Variants in AHDC1 observed in about 807,000 individuals in gnomAD.
The protein encoded by AHDC1 is AT-hook DNA binding motif containing 1, also known as transcription factor Gibbin.
AHDC1 carries 7 observed loss-of-function variants against 87.9 expected under a neutral mutation model. That is an observed-to-expected ratio of 0.08 (90% CI 0.05 to 0.15). AHDC1 has a LOEUF of 0.15. AHDC1 is among the 10% of genes least tolerant of loss of function. The pLI, the probability that AHDC1 is intolerant of heterozygous loss-of-function variation, is 1.00. For missense variants in AHDC1, 1,841 were observed against 2,253.2 expected (o/e 0.82, Z 3.70); for synonymous variants, 1,051 against 1,006.8 (o/e 1.04, Z -0.83).
At chr1:27,573,106 G>T (rs944477534) in intron 3 of AHDC1, among the ~76,000 whole-genome samples, 2 of 152,150 alleles carry the variant, frequency 1.3e-5, no homozygotes, top group African/African-American at 4.8e-5. Flanking sequence ...GTGTGTCTCA[G>T]GAAGGGAGGC....
intron 3 of AHDC1, among the ~76,000 whole-genome samples, chr1:27,582,024 A>G (rs1308573743): frequency 6.6e-6 from 1 of 152,076 alleles, no homozygotes; most frequent in African/African-American, 2.4e-5. Context: ...GGTCCAGCCA[A>G]CCTCTGAACT....
At position 27,557,469 on chromosome 1, in the gene AHDC1, T is replaced by C. The variant is rs904497309; in HGVS notation, c.-225+836A>G. On this transcript the variant is annotated intron_variant, in intron 5 of 8. Transcript: ENST00000673934. Reference sequence around the variant, plus strand: ...AGAACTCCTCCTCCTGGAAAGTTGCTGCTGGAAAGGAAGTGACTTCAGCAA... The same window carrying C: ...AGAACTCCTCCTCCTGGAAAGTTGCCGCTGGAAAGGAAGTGACTTCAGCAA... Among the ~76,000 whole-genome samples the C allele has an allele frequency of 4.0e-5, 6 of 151,646 alleles. No homozygotes were observed. The East Asian group carries it at 7.9e-4, about 20-fold the overall frequency.
intron 5 of AHDC1, among the ~76,000 whole-genome samples, chr1:27,555,734 G>A (rs1035157842): frequency 6.7e-6 from 1 of 150,254 alleles, no homozygotes; most frequent in Admixed American, 6.6e-5. Context: ...CCCTTACTGA[G>A]GGTCAGGCTA....
intron 8 of AHDC1, among the ~76,000 whole-genome samples, chr1:27,538,615 T>G (rs1039796539): frequency 1.3e-4 from 19 of 151,308 alleles, no homozygotes; most frequent in Admixed American, 1.2e-3. Context: ...TCCAGGCCCA[T>G]GAGATCCTCC....
At chr1:27,601,771 GC>G (rs940981219) in intron 3 of AHDC1, among the ~76,000 whole-genome samples, 1 of 152,032 alleles carries the variant, frequency 6.6e-6, no homozygotes, top group Non-Finnish European at 1.5e-5. Context: ...AGCTCACACA[GC>G]CACACAGAAC....
At position 27,551,390 on chromosome 1, in the gene AHDC1, G is replaced by A. The variant is rs142598186; in HGVS notation, c.726C>T (p.Ala242=). The stretch of plus-strand genomic sequence containing the variant: ...GGGAGGCCAGCTCACTAAGGATGTC[G>A]GCGTCAGCAAGTTCTGAGTAATCAG... ...DSTDYSELAD[A]DILSELASLT... is the part of the protein sequence containing the mutation. Residue 242 remains alanine, a synonymous_variant, in exon 8 of 9, where the codon GCC becomes GCT. Coordinates refer to ENST00000673934, the MANE Select transcript of AHDC1 (RefSeq NM_001371928.1). The A allele has an allele frequency of 1.4e-4, 218 of 1,613,744 alleles. 2 individuals carry two copies. In the African/African-American group the frequency reaches 2.5e-3, roughly 18 times the overall value.
At position 27,558,802 on chromosome 1, in the gene AHDC1, G is replaced by A. The variant is rs994306018; in HGVS notation, c.-547C>T. On this transcript the variant is annotated 5_prime_UTR_variant, in exon 4 of 9. Coordinates refer to ENST00000673934, the MANE Select transcript of AHDC1 (RefSeq NM_001371928.1). The surrounding 1 kb of genome is among the most constrained non-coding windows in gnomAD (Gnocchi z 5.6). ...TCTGCAACGGCCTGAGCGTCGCCCC[G>A]CACTCGGGGCCCTCTGCACACGCTC... The A allele has an allele frequency of 6.5e-5, 26 of 398,670 alleles. No homozygotes were observed. The highest frequency in any genetic ancestry group is 2.5e-4 in the South Asian group (2 of 7,852). The allele number at this position is 398,670 out of a possible 1,614,324, so 24.7% of individuals were successfully genotyped here.
chr1:27,550,620 C>T lies in AHDC1; in HGVS notation c.1496G>A (p.Ser499Asn), dbSNP rs1571239471. ...NKTTYKVSSL[S>N]SSLSVEGKEL... is the part of the protein sequence containing the mutation. Reference sequence around the variant, plus strand: ...CTTGCCCTCCACGCTCAGGCTGCTGCTCAAGGAAGACACTTTGTATGTGGT... The same window carrying T: ...CTTGCCCTCCACGCTCAGGCTGCTGTTCAAGGAAGACACTTTGTATGTGGT... Residue 499 changes from serine (S) to asparagine (N), a missense_variant, in exon 8 of 9, where the codon AGC becomes AAC. Physicochemically the swap from Ser to Asn is conservative, Grantham distance 46. This residue lies in a region of AHDC1 where 27 missense variants were observed against 58.6 expected (regional missense o/e 0.46). Coordinates refer to ENST00000673934, the MANE Select transcript of AHDC1 (RefSeq NM_001371928.1). 1 of 1,613,768 alleles carries T rather than the reference C, an allele frequency of 6.2e-7. No individual in the cohort carries two copies. The highest frequency in any genetic ancestry group is 1.3e-5 in the African/African-American group (1 of 75,082).
chr1:27,597,250 G>A (rs2089399788), intron 3 of AHDC1, among the ~76,000 whole-genome samples: 1 of 152,204 alleles, frequency 6.6e-6, no homozygotes, highest in African/African-American at 2.4e-5. Flanking sequence ...CACCTGTACA[G>A]GGAAGGAAGC....
Position 27,552,034 on chromosome 1 carries a change from A to G in AHDC1, c.82T>C (p.Tyr28His). Residue 28 changes from tyrosine (Y) to histidine (H), a missense_variant, in exon 8 of 9, where the codon TAC becomes CAC. Coordinates refer to ENST00000673934, the MANE Select transcript of AHDC1 (RefSeq NM_001371928.1). ...SPDYLREPKYYPGGPPTPRPL... is the reference protein window; with the variant it reads ...SPDYLREPKYHPGGPPTPRPL... Reference sequence around the variant, plus strand: ...CGGGGGGTGGGGGGGCCGCCGGGGTAGTACTTGGGTTCCCGGAGGTAGTCA... The same window carrying G: ...CGGGGGGTGGGGGGGCCGCCGGGGTGGTACTTGGGTTCCCGGAGGTAGTCA... 2.0e-6 allele frequency: 3 copies of G among 1,489,288 alleles called. No homozygotes were observed. Among genetic ancestry groups the G allele is most frequent in the Non-Finnish European group, 2.7e-6 (3 of 1,121,162 alleles). The allele number at this position is 1,489,288 out of a possible 1,614,324, so 92.3% of individuals were successfully genotyped here.
chr1:27,545,744 CA>C (rs796391615), intron 8 of AHDC1, among the ~76,000 whole-genome samples: 4,966 of 115,796 alleles, frequency 0.043, 219 homozygotes, highest in African/African-American at 0.13. Context: ...AAGATGCTGC[CA>C]AAAAAAAAAA....
intron 3 of AHDC1, among the ~76,000 whole-genome samples, chr1:27,591,153 A>G (rs1349440058): frequency 6.6e-6 from 1 of 152,198 alleles, no homozygotes; most frequent in Non-Finnish European, 1.5e-5. Context: ...CACAACTGAC[A>G]CTAGGGGCTC....
In AHDC1 at chr1:27,550,381, T is replaced by G; in HGVS notation, c.1735A>C (p.Met579Leu). 1.3e-6 allele frequency: 2 copies of G among 1,599,302 alleles called. No homozygotes were observed. The highest frequency in any genetic ancestry group is 1.7e-6 in the Non-Finnish European group (2 of 1,171,658). ...CGTTTTTTTACCTCTGGCATGGCCA[T>G]GGTGGCCGCTGCCACAGTGGCTGCC... ...AEAATVAAAT[M>L]AMPEVKKRRR... Residue 579 changes from methionine to leucine, a missense_variant, in exon 8 of 9, where the codon ATG (methionine) becomes CTG (leucine). Coordinates refer to ENST00000673934, the MANE Select transcript of AHDC1 (RefSeq NM_001371928.1).
At chr1:27,576,255 A>G (rs2148420589) in intron 3 of AHDC1, among the ~76,000 whole-genome samples, 1 of 152,194 alleles carries the variant, frequency 6.6e-6, no homozygotes. Flanking sequence ...TGCCATATAA[A>G]GGTTTTGTTT....
At position 27,547,901 on chromosome 1, in the gene AHDC1, T is replaced by C; in HGVS notation, c.4215A>G (p.Thr1405=). The C allele has an allele frequency of 1.3e-6, 2 of 1,564,870 alleles. No homozygotes were observed. The highest frequency in any genetic ancestry group is 1.7e-6 in the Non-Finnish European group (2 of 1,151,958). ...QKAYSPTCSP[T]LGFKEELRPP... Reference sequence around the variant, plus strand: ...GCCGCAGCTCTTCCTTGAAGCCCAGTGTAGGCGAGCAGGTGGGCGAGTATG... The same window carrying C: ...GCCGCAGCTCTTCCTTGAAGCCCAGCGTAGGCGAGCAGGTGGGCGAGTATG... The change falls in exon 8 of 9, where the codon ACA becomes ACG. Residue 1405 remains threonine, a synonymous_variant. Transcript: ENST00000673934. The surrounding 1 kb of genome is among the most constrained non-coding windows in gnomAD (Gnocchi z 4.9).
Position 27,560,222 on chromosome 1 carries a change from G to GTT in AHDC1, c.-628-1340_-628-1339insAA, listed in dbSNP as rs1026142205. On this transcript the variant is annotated intron_variant, in intron 3 of 8. Transcript: ENST00000673934. This position sits in a 1 kb window ranked among gnomAD's most constrained non-coding sequence, Gnocchi z 4.1. ...GTTTTGTGTGTGTGTGTGTGTGTGTGTGAGTCTAGCTAAGCCTGTTTGTGT... is the reference window on the plus strand; with the variant it reads ...GTTTTGTGTGTGTGTGTGTGTGTGTGTTTGAGTCTAGCTAAGCCTGTTTGTGT... Among the ~76,000 whole-genome samples the GTT allele has an allele frequency of 6.6e-6, 1 of 151,848 alleles. No individual in the cohort carries two copies. Among genetic ancestry groups the GTT allele is most frequent in the African/African-American group, 2.4e-5 (1 of 41,298 alleles).
chr1:27,538,400 C>CAAAAAAAAA (rs370786800), intron 8 of AHDC1, among the ~76,000 whole-genome samples: 5 of 60,698 alleles, frequency 8.2e-5, no homozygotes, highest in African/African-American at 2.1e-4. Context: ...AAGACTGTCT[C>CAAAAAAAAA]AAAAAAAAAA....
At position 27,595,472 on chromosome 1, in the gene AHDC1, T is replaced by C. The variant is rs931092156; in HGVS notation, c.-629+7925A>G. On this transcript the variant is annotated intron_variant, in intron 3 of 8. Transcript: ENST00000673934. The surrounding 1 kb of genome is among the most constrained non-coding windows in gnomAD (Gnocchi z 4.0). ...TAGCTGTGTGTGTGTGTGTGTGTGA[T>C]TGTGTGTGTGTTGGGGTGTTTAGGG... Among the ~76,000 whole-genome samples, 9 of 131,842 alleles carry C rather than the reference T, an allele frequency of 6.8e-5. No individual in the cohort carries two copies. Among genetic ancestry groups the C allele is most frequent in the African/African-American group, 3.3e-4 (9 of 27,386 alleles). The allele number at this position is 131,842 out of a possible 152,430, so 86.5% of individuals were successfully genotyped here. A position where few individuals can be genotyped will look rare whatever the true frequency, so the allele number is the denominator to read the frequency against.
At position 27,566,441 on chromosome 1, in the gene AHDC1, C is replaced by T. The variant is rs545904695; in HGVS notation, c.-628-7558G>A. ...AGGCAGGATGATGCAGAGACAAAGA[C>T]ACACGCACAGGGGGGAAGAGATGGA... On this transcript the variant is annotated intron_variant, in intron 3 of 8. Transcript: ENST00000673934. 2.0e-5 allele frequency among the ~76,000 whole-genome samples: 3 copies of T among 152,042 alleles called. No homozygotes were observed. In the South Asian group the frequency reaches 6.2e-4, roughly 32 times the overall value.
Sources: allele counts gnomAD v4.1 joint callset (sites outside exome capture counted in the v4.1 genomes callset), GRCh38; gene constraint gnomAD v4.1.1; regional missense constraint gnomAD v4.1.1; non-coding constraint Gnocchi (gnomAD v3.1); transcripts MANE v1.5; gene names NCBI Gene and HGNC (gene_info 2026-07-23, HGNC 2026-07-21).